Variants in CACNA1A observed in about 807,000 individuals in gnomAD.
CACNA1A encodes calcium voltage-gated channel subunit alpha1 A, also known as voltage-dependent P/Q-type calcium channel subunit alpha-1A.
In CACNA1A, 57 loss-of-function variants were observed where a neutral mutation model predicts 262.4. That is an observed-to-expected ratio of 0.22 (90% CI 0.18 to 0.27). The LOEUF (loss-of-function observed/expected upper bound fraction) is 0.27. Ranked by LOEUF, CACNA1A falls within the 10% of genes least tolerant of loss-of-function variation. CACNA1A has a pLI of 1.00. For synonymous variants in CACNA1A, 1,431 were observed against 1,419.3 expected, an observed-to-expected ratio of 1.01 and a Z score of -0.18; for missense variants, 2,526 against 3,562.8, an observed-to-expected ratio of 0.71 and a Z score of 7.41.
chr19:13,412,984 C>A (rs991431363), intron 3 of CACNA1A, among the ~76,000 whole-genome samples: 12 of 152,146 alleles, frequency 7.9e-5, no homozygotes, highest in African/African-American at 2.2e-4. Context: ...GGTGTGGGGG[C>A]TCACGCCTGT....
At chr19:13,310,207 G>A (rs1209638106) in intron 12 of CACNA1A, among the ~76,000 whole-genome samples, 1 of 151,678 alleles carries the variant, frequency 6.6e-6, no homozygotes, top group Non-Finnish European at 1.5e-5. Context: ...TGTAATCCCA[G>A]CACTTTGGGA....
chr19:13,319,007 G>A (rs1163419512), intron 10 of CACNA1A, among the ~76,000 whole-genome samples: 3 of 149,824 alleles, frequency 2.0e-5, no homozygotes, highest in Non-Finnish European at 2.9e-5. Context: ...TCCCACCTCA[G>A]CCTCCCAAGT....
rs2057950337 is a variant in CACNA1A at position 13,308,318 on chromosome 19, G to A, written c.1782-67C>T. ...AGGCAGGGCCCCGGAGTCAGCCCTCGAAACACGAGGCTCACTTTCCCAACT... is the reference window on the plus strand; with the variant it reads ...AGGCAGGGCCCCGGAGTCAGCCCTCAAAACACGAGGCTCACTTTCCCAACT... On this transcript the variant is annotated intron_variant, in intron 13 of 46. Transcript: ENST00000360228. The surrounding 1 kb of genome is among the most constrained non-coding windows in gnomAD (Gnocchi z 4.2). 7 of 1,570,252 alleles carry A rather than the reference G, an allele frequency of 4.5e-6. No homozygotes were observed. Among genetic ancestry groups the A allele is most frequent in the East Asian group, 2.3e-5 (1 of 43,900 alleles).
At chr19:13,347,060 T>TTG (rs1555770828) in intron 6 of CACNA1A, among the ~76,000 whole-genome samples, 2 of 55,462 alleles carry the variant, frequency 3.6e-5, no homozygotes, top group South Asian at 2.8e-3. Context: ...GTTTTTTTTG[T>TTG]TTTTTTGTTT....
intron 8 of CACNA1A, 47 bp from the exon 9 acceptor site, chr19:13,332,972 G>A (rs367796636): frequency 6.3e-5 from 91 of 1,449,192 alleles, no homozygotes; most frequent in Middle Eastern, 3.5e-4. Context: ...TGGAGGATGA[G>A]TTCTCCCTTG....
In CACNA1A at chr19:13,310,515, T is replaced by TAGAG. The variant is rs148544563; in HGVS notation, c.1669-1991_1669-1988dup. 1.7e-3 allele frequency among the ~76,000 whole-genome samples: 115 copies of TAGAG among 69,374 alleles called. 13 individuals are homozygous for TAGAG. The highest frequency in any genetic ancestry group is 5.8e-3 in the African/African-American group (99 of 17,042). The allele number at this position is 69,374 out of a possible 152,430, so 45.5% of individuals were successfully genotyped here. A position where few individuals can be genotyped will look rare whatever the true frequency, so the allele number is the denominator to read the frequency against. On this transcript the variant is annotated intron_variant, in intron 12 of 46. Transcript: ENST00000360228. ...ATATATATATATATATATATATATG[T>TAGAG]AGAGAGAGAGAGAGAGTTTAATTTT...
At chr19:13,329,884 C>T (rs747927481) in intron 10 of CACNA1A, among the ~76,000 whole-genome samples, 9 of 151,904 alleles carry the variant, frequency 5.9e-5, no homozygotes, top group African/African-American at 1.9e-4. Context: ...AGCTCAGCCT[C>T]GTGACTGCCT....
At chr19:13,269,112 TCAG>T (rs2056949416) in intron 24 of CACNA1A, among the ~76,000 whole-genome samples, 1 of 152,152 alleles carries the variant, frequency 6.6e-6, no homozygotes, top group Admixed American at 6.5e-5. Context: ...TTCTCCCACC[TCAG>T]CCTCCCAAGT....
chr19:13,333,029 G>A, intron 8 of CACNA1A, 104 bp from the exon 9 acceptor site: 1 of 861,426 alleles, frequency 1.2e-6, no homozygotes, highest in Non-Finnish European at 1.9e-6. Context: ...TCTGCTGACT[G>A]ATGGTGACAG....
At chr19:13,398,953 C>T (rs1207994986) in intron 3 of CACNA1A, among the ~76,000 whole-genome samples, 1 of 152,286 alleles carries the variant, frequency 6.6e-6, no homozygotes, top group East Asian at 1.9e-4. Context: ...GGGATTATAG[C>T]CAAAGACCAG....
At chr19:13,445,081 A>T (rs1480323288) in intron 3 of CACNA1A, among the ~76,000 whole-genome samples, 1 of 151,566 alleles carries the variant, frequency 6.6e-6, no homozygotes, top group Non-Finnish European at 1.5e-5. Flanking sequence ...CGGAGGTTGC[A>T]GTGAGCCGAG....
chr19:13,298,701 G>T lies in CACNA1A; in HGVS notation c.2932C>A (p.Arg978=). Residue 978 remains arginine, a synonymous_variant, in exon 19 of 47, where the codon CGG becomes AGG. Coordinates refer to ENST00000360228, the MANE Select transcript of CACNA1A (RefSeq NM_001127222.2). The part of the protein sequence containing the change: ...GPEDKAERRA[R]HREGSRPARG... The stretch of plus-strand genomic sequence containing the variant: ...GCCGGCCGGCTGCCCTCGCGGTGCC[G>T]CGCCCTCCGCTCCGCCTTGTCCTCC... 4.1e-6 allele frequency: 6 copies of T among 1,459,522 alleles called. No individual in the cohort carries two copies. Among genetic ancestry groups the T allele is most frequent in the Non-Finnish European group, 4.5e-6 (5 of 1,110,446 alleles). 90.4% of individuals were successfully genotyped at this position (1,459,522 alleles called of 1,614,324 possible). A position where few individuals can be genotyped will look rare whatever the true frequency, so the allele number is the denominator to read the frequency against.
At chr19:13,301,633 C>T (rs1488625774) in intron 17 of CACNA1A, among the ~76,000 whole-genome samples, 1 of 152,198 alleles carries the variant, frequency 6.6e-6, no homozygotes, top group African/African-American at 2.4e-5. Context: ...CTTCTTCAGC[C>T]TTCATGCAGG....
Position 13,425,725 on chromosome 19 carries a change from C to T in CACNA1A, c.539+27151G>A, listed in dbSNP as rs541845363. Among the ~76,000 whole-genome samples, 54 of 152,226 alleles carry T rather than the reference C, an allele frequency of 3.5e-4. No homozygotes were observed. The South Asian group carries it at 6.0e-3, about 17-fold the overall frequency. On this transcript the variant is annotated intron_variant, in intron 3 of 46. Transcript: ENST00000360228. ...AAATGCAAATTGTCCATGGAGGGTT[C>T]GCCTTCATCGCAGGCCTCAATGAAC...
chr19:13,342,834 A>C (rs1767756247), intron 6 of CACNA1A, among the ~76,000 whole-genome samples: 1 of 152,200 alleles, frequency 6.6e-6, no homozygotes, highest in Non-Finnish European at 1.5e-5. Context: ...ATGAGCAGGA[A>C]ATACATCTGT....
intron 10 of CACNA1A, among the ~76,000 whole-genome samples, chr19:13,328,590 C>A (rs1351859279): frequency 6.6e-6 from 1 of 152,094 alleles, no homozygotes; most frequent in Non-Finnish European, 1.5e-5. Flanking sequence ...CTGTTAATAT[C>A]TTTGATCCTA....
chr19:13,336,594 G>GAGAGAGAGAGAGA (rs2058572370), intron 6 of CACNA1A, among the ~76,000 whole-genome samples: 1 of 65,496 alleles, frequency 1.5e-5, no homozygotes, highest in Non-Finnish European at 3.1e-5. Context: ...AGAGAGAGAG[G>GAGAGAGAGAGAGA]GAGAGAGAGA....
At chr19:13,427,639 T>A (rs1405438651) in intron 3 of CACNA1A, among the ~76,000 whole-genome samples, 1 of 152,140 alleles carries the variant, frequency 6.6e-6, no homozygotes, top group East Asian at 1.9e-4. Context: ...CCATAAAATG[T>A]GGATCATGAA....
chr19:13,499,453 G>C (rs1265166279), intron 1 of CACNA1A, among the ~76,000 whole-genome samples: 2 of 132,812 alleles, frequency 1.5e-5, no homozygotes, highest in South Asian at 2.9e-4. Flanking sequence ...GGGGTGGTGG[G>C]GGGGGGCACT....
Sources: gnomAD v4.1 joint callset for allele counts (sites outside exome capture counted in the v4.1 genomes callset) on GRCh38, gnomAD v4.1.1 for gene constraint, Gnocchi (gnomAD v3.1) non-coding constraint, MANE v1.5 for transcripts, NCBI Gene and HGNC (gene_info 2026-07-23, HGNC 2026-07-21) for gene names.